The following GRIP1 variants were observed in gnomAD, a reference collection of about 807,000 sequenced individuals.
GRIP1 encodes glutamate receptor-interacting protein 1.
Under a neutral mutation model 129.9 loss-of-function variants are expected in GRIP1, and 45 were observed. The ratio of observed to expected loss-of-function variants is 0.35; its 90% confidence interval spans 0.27 to 0.44. The LOEUF (loss-of-function observed/expected upper bound fraction) is 0.44, where lower values mean the gene tolerates loss of function less well. GRIP1 is among the 20% of genes least tolerant of loss of function. The pLI is 1.00. For missense variants in GRIP1, 1,196 were observed against 1,396.8 expected, an observed-to-expected ratio of 0.86 and a Z score of 2.29; for synonymous variants, 530 against 520.8, an observed-to-expected ratio of 1.02 and a Z score of -0.24.
intron 1 of GRIP1, among the ~76,000 whole-genome samples, chr12:66,863,993 C>T (rs2040157361): frequency 6.6e-6 from 1 of 152,022 alleles, no homozygotes; most frequent in South Asian, 2.1e-4. Context: ...TGAGCAGAAA[C>T]TGCTGTTTCT....
At chr12:66,797,976 TCA>T (rs1172721533) in intron 1 of GRIP1, among the ~76,000 whole-genome samples, 7 of 150,864 alleles carry the variant, frequency 4.6e-5, no homozygotes, top group Middle Eastern at 3.4e-3. Context: ...ACCCAAATTA[TCA>T]CAGTTTTGAT....
At chr12:66,813,637 GGTGTGGGGGCAGTACCTTTGATACA>G (rs2039147971) in intron 1 of GRIP1, among the ~76,000 whole-genome samples, 1 of 152,140 alleles carries the variant, frequency 6.6e-6, no homozygotes, top group Non-Finnish European at 1.5e-5. Context: ...TTCAACCAAA[GGTGTGGGGGCAGTACCTTTGATACA>G]GCATGAACAG....
At chr12:66,684,752 G>A (rs536017016) in intron 1 of GRIP1, among the ~76,000 whole-genome samples, 2 of 152,176 alleles carry the variant, frequency 1.3e-5, no homozygotes, top group Non-Finnish European at 2.9e-5. Flanking sequence ...GGCTGAGGCA[G>A]GAGAATCACT....
Position 66,475,831 on chromosome 12 carries a change from G to A in GRIP1, c.725-10409C>T, listed in dbSNP as rs1465493512. ...ATCTCTGGGATGCATTTAAAGCAGTGTGTAGAGGGAAATTTATAACACTAA... is the reference window on the plus strand; with the variant it reads ...ATCTCTGGGATGCATTTAAAGCAGTATGTAGAGGGAAATTTATAACACTAA... On this transcript the variant is annotated intron_variant, in intron 7 of 24. Transcript: ENST00000359742. Among the ~76,000 whole-genome samples, 5 of 152,196 alleles carry A rather than the reference G, an allele frequency of 3.3e-5. 1 individual carries two copies. Among genetic ancestry groups the A allele is most frequent in the South Asian group, 4.1e-4 (2 of 4,836 alleles).
chr12:66,552,100 C>T (rs1303100408), intron 2 of GRIP1, among the ~76,000 whole-genome samples: 3 of 152,132 alleles, frequency 2.0e-5, no homozygotes, highest in Non-Finnish European at 4.4e-5. Flanking sequence ...CTAGTCATTG[C>T]TGAGTTAGGT....
chr12:66,835,804 C>T (rs1566044723), intron 1 of GRIP1, among the ~76,000 whole-genome samples: 1 of 152,066 alleles, frequency 6.6e-6, no homozygotes, highest in Admixed American at 6.6e-5. Flanking sequence ...TGCGTGATAC[C>T]CCATTGGTGC....
In GRIP1 at chr12:66,653,704, C is replaced by T. The variant is rs546655021; in HGVS notation, c.55+25146G>A. On this transcript the variant is annotated intron_variant, in intron 1 of 24. Transcript: ENST00000359742. ...ACCCAAGATAATCGACTGCCTGAAA[C>T]ATCAACACAATTCAGTGGATACCTC... Among the ~76,000 whole-genome samples the T allele has an allele frequency of 2.6e-5, 4 of 152,312 alleles. No homozygotes were observed. In the South Asian group the frequency reaches 8.3e-4, roughly 32 times the overall value.
chr12:66,510,058 A>T (rs1418907761), intron 7 of GRIP1, among the ~76,000 whole-genome samples: 2 of 152,232 alleles, frequency 1.3e-5, no homozygotes, highest in Non-Finnish European at 2.9e-5. Flanking sequence ...TAGTTCAACC[A>T]TATTGAAGTG....
chr12:66,570,000 T>C (rs2062903627), intron 2 of GRIP1, among the ~76,000 whole-genome samples: 1 of 152,124 alleles, frequency 6.6e-6, no homozygotes, highest in African/African-American at 2.4e-5. Flanking sequence ...GCACAGGCAA[T>C]AATAATAATA....
At chr12:66,737,828 C>T (rs973148226) in intron 1 of GRIP1, among the ~76,000 whole-genome samples, 1 of 152,074 alleles carries the variant, frequency 6.6e-6, no homozygotes, top group African/African-American at 2.4e-5. Context: ...ATAAGGCAGA[C>T]CGATGTTATG....
At chr12:66,780,321 TAG>T (rs2038117031) in intron 1 of GRIP1, among the ~76,000 whole-genome samples, 1 of 152,180 alleles carries the variant, frequency 6.6e-6, no homozygotes, top group South Asian at 2.1e-4. Context: ...AGGTGTTCAC[TAG>T]AGAGTGTTAC....
intron 5 of GRIP1, among the ~76,000 whole-genome samples, chr12:66,526,375 C>T (rs1240759184): frequency 6.6e-6 from 1 of 152,182 alleles, no homozygotes; most frequent in African/African-American, 2.4e-5. Flanking sequence ...AATAATGCTG[C>T]ATGTCTACAA....
chr12:66,874,965 A>G (rs565160657), intron 1 of GRIP1, among the ~76,000 whole-genome samples: 2 of 152,200 alleles, frequency 1.3e-5, no homozygotes, highest in East Asian at 3.9e-4. Context: ...TTTCATGTAT[A>G]CATACCCTGT....
chr12:66,916,764 C>G (rs1352169380), intron 1 of GRIP1, among the ~76,000 whole-genome samples: 2 of 151,776 alleles, frequency 1.3e-5, no homozygotes, highest in African/African-American at 2.4e-5. Context: ...ACTGAAGCCT[C>G]TAATAGGAAA....
intron 1 of GRIP1, among the ~76,000 whole-genome samples, chr12:66,966,612 T>G (rs1365997158): frequency 6.6e-6 from 1 of 152,196 alleles, no homozygotes; most frequent in Non-Finnish European, 1.5e-5. Flanking sequence ...GCTCTAACAA[T>G]TTCTGAGATT....
chr12:66,581,831 G>A (rs1174512267), intron 2 of GRIP1, among the ~76,000 whole-genome samples: 1 of 152,144 alleles, frequency 6.6e-6, no homozygotes, highest in African/African-American at 2.4e-5. Flanking sequence ...GAGGTACAAG[G>A]AGGAACTGGT....
rs563129890 is a variant in GRIP1, at chr12:67,021,551, T to C, written c.58+47499A>G. On this transcript the variant is annotated intron_variant, in intron 1 of 1. Transcript: ENST00000643019. ...TAATTGTACATATTTATGGGGTACA[T>C]AGTAATGTTTTGATACATACAATGT... is the stretch of plus-strand genomic sequence containing the variant. Among the ~76,000 whole-genome samples the C allele has an allele frequency of 3.9e-5, 6 of 152,302 alleles. No homozygotes were observed. In the South Asian group the frequency reaches 1.2e-3, roughly 32 times the overall value.
At chr12:66,674,763 A>G (rs1365470789) in intron 1 of GRIP1, among the ~76,000 whole-genome samples, 1 of 152,170 alleles carries the variant, frequency 6.6e-6, no homozygotes, top group African/African-American at 2.4e-5. Flanking sequence ...AATGAGAGTG[A>G]GTGTGATCAC....
At chr12:66,919,856 C>A (rs939282878) in intron 1 of GRIP1, among the ~76,000 whole-genome samples, 1 of 152,054 alleles carries the variant, frequency 6.6e-6, no homozygotes, top group African/African-American at 2.4e-5. Flanking sequence ...AAATGCCTTA[C>A]ATACAAAATG....
Sources: gnomAD v4.1 joint callset for allele counts (sites outside exome capture counted in the v4.1 genomes callset) on GRCh38, gnomAD v4.1.1 for gene constraint, MANE v1.5 for transcripts, NCBI Gene and HGNC (gene_info 2026-07-23, HGNC 2026-07-21) for gene names.